Variants in CTNNA2 observed in about 807,000 individuals in gnomAD.
CTNNA2 encodes the protein catenin alpha-2.
CTNNA2 carries 42 observed loss-of-function variants against 101.0 expected under a neutral mutation model. The ratio of observed to expected loss-of-function variants is 0.42; its 90% CI spans 0.32 to 0.54. CTNNA2 has a LOEUF of 0.54. CTNNA2 is among the 20% of genes least tolerant of loss of function. The pLI is 0.14. For synonymous variants in CTNNA2, 450 were observed against 456.4 expected, an observed-to-expected ratio of 0.99 and a Z score of 0.18; for missense variants, 871 against 1,223.1, an observed-to-expected ratio of 0.71 and a Z score of 4.29.
chr2:79,653,508 G>A (rs1184001165), intron 2 of CTNNA2, among the ~76,000 whole-genome samples: 1 of 152,074 alleles, frequency 6.6e-6, no homozygotes, highest in East Asian at 1.9e-4. Context: ...AGTGGCTGAG[G>A]GGATCCATGA....
intron 7 of CTNNA2, among the ~76,000 whole-genome samples, chr2:80,095,065 C>T (rs183565415): frequency 0.014 from 2,146 of 152,290 alleles, 46 homozygotes; most frequent in African/African-American, 0.049. Context: ...TGAGAGAGGG[C>T]TTCCCTGTCT....
intron 7 of CTNNA2, among the ~76,000 whole-genome samples, chr2:80,156,569 T>C (rs1704007233): frequency 6.6e-6 from 1 of 152,228 alleles, no homozygotes; most frequent in Non-Finnish European, 1.5e-5. Flanking sequence ...GGTTTGGTGC[T>C]CACACATCAT....
rs1347397927 is a variant in CTNNA2 at position 79,632,066 on chromosome 2, G to C, written c.-5-19486G>C. Among the ~76,000 whole-genome samples the C allele has an allele frequency of 2.6e-5, 4 of 152,176 alleles. No individual in the cohort carries two copies. The South Asian group carries it at 8.3e-4, about 32-fold the overall frequency. On this transcript the variant is annotated intron_variant, in intron 1 of 18. Transcript: ENST00000402739. ...TTCTTGATTGTGAAACAGTCGCAGT[G>C]GTTTTAGATGTGTATCTTTTGTCTT...
chr2:80,308,466 G>C (rs1432681170), intron 7 of CTNNA2, among the ~76,000 whole-genome samples: 4 of 152,216 alleles, frequency 2.6e-5, no homozygotes, highest in African/African-American at 9.7e-5. Context: ...TTGGCGGAGA[G>C]TGGGAGTCAC....
chr2:79,512,697 G>GCGGTGCCCCTTCGC (rs1332658619), upstream of CTNNA2, among the ~76,000 whole-genome samples: 1 of 151,910 alleles, frequency 6.6e-6, no homozygotes, highest in African/African-American at 2.4e-5. Flanking sequence ...GCGCCCTACG[G>GCGGTGCCCCTTCGC]CGGTGCCCCT....
intron 7 of CTNNA2, among the ~76,000 whole-genome samples, chr2:80,352,377 A>G (rs1361926745): frequency 2.0e-5 from 3 of 152,164 alleles, no homozygotes; most frequent in African/African-American, 7.2e-5. Flanking sequence ...AAAATGCCTT[A>G]CTACTCTGCC....
chr2:79,199,359 T>C (rs567883523), intron 2 of CTNNA2, among the ~76,000 whole-genome samples: 1 of 152,320 alleles, frequency 6.6e-6, no homozygotes, highest in East Asian at 1.9e-4. Flanking sequence ...AACATTGATA[T>C]AGTCAGTAAT....
At chr2:79,726,066 G>C (rs1686820383) in intron 2 of CTNNA2, among the ~76,000 whole-genome samples, 1 of 152,072 alleles carries the variant, frequency 6.6e-6, no homozygotes, top group African/African-American at 2.4e-5. Context: ...AATTCACCAG[G>C]CATAGCCTTT....
At position 80,312,841 on chromosome 2, in the gene CTNNA2, C is replaced by A. The variant is rs147530008; in HGVS notation, c.1057-80370C>A. 5.5e-3 allele frequency among the ~76,000 whole-genome samples: 835 copies of A among 152,274 alleles called. 10 individuals carry two copies. Among genetic ancestry groups the A allele is most frequent in the African/African-American group, 0.018 (751 of 41,554 alleles). ...TGTGTTTTAGACCTTCTAATATCTA[C>A]CTTTAAAGGGAGAAGAAGATCAGAT... On this transcript the variant is annotated intron_variant, in intron 7 of 18. Transcript: ENST00000402739.
intron 3 of CTNNA2, among the ~76,000 whole-genome samples, chr2:79,776,505 A>G (rs1441591644): frequency 1.3e-5 from 2 of 152,168 alleles, no homozygotes; most frequent in Non-Finnish European, 1.5e-5. Flanking sequence ...ATCAAAAGCA[A>G]TCACTTAGAC....
chr2:79,730,572 A>G (rs1023368589), intron 2 of CTNNA2, among the ~76,000 whole-genome samples: 1 of 151,866 alleles, frequency 6.6e-6, no homozygotes, highest in African/African-American at 2.4e-5. Flanking sequence ...ATGCTAATGG[A>G]TTATTTATAT....
rs56285145 is a variant in CTNNA2, at chr2:79,305,373, C to CATATATAT, written c.-405-7325_-405-7318dup. ...ATATACATATATACATATATATACA[C>CATATATAT]ATATATATATATATATATTTCTGCA... is the stretch of plus-strand genomic sequence containing the variant. On this transcript the variant is annotated intron_variant, in intron 2 of 21. Coordinates refer to the CTNNA2 transcript ENST00000466387. Among the ~76,000 whole-genome samples the CATATATAT allele has an allele frequency of 2.4e-3, 336 of 138,244 alleles. 8 individuals carry two copies. In the East Asian group the frequency reaches 0.058, roughly 24 times the overall value. The allele number at this position is 138,244 out of a possible 152,430, so 90.7% of individuals were successfully genotyped here.
At chr2:79,551,227 A>G (rs1349714117) in intron 1 of CTNNA2, among the ~76,000 whole-genome samples, 1 of 152,162 alleles carries the variant, frequency 6.6e-6, no homozygotes, top group Non-Finnish European at 1.5e-5. Context: ...AGCATCTGTG[A>G]TTATCTGTGC....
At chr2:79,549,319 G>A (rs779257312) in intron 1 of CTNNA2, among the ~76,000 whole-genome samples, 10 of 152,184 alleles carry the variant, frequency 6.6e-5, no homozygotes, top group Non-Finnish European at 1.3e-4. Flanking sequence ...ATGGGTCGGG[G>A]CAGTATTCAC....
chr2:80,268,916 C>A (rs1673227822), intron 7 of CTNNA2, among the ~76,000 whole-genome samples: 1 of 152,156 alleles, frequency 6.6e-6, no homozygotes, highest in Non-Finnish European at 1.5e-5. Context: ...TCTCCTGCAA[C>A]CCTTTTCTGA....
At chr2:79,338,014 G>A (rs779980037) in intron 3 of CTNNA2, among the ~76,000 whole-genome samples, 1 of 151,992 alleles carries the variant, frequency 6.6e-6, no homozygotes, top group Non-Finnish European at 1.5e-5. Flanking sequence ...AGGAGGCTGA[G>A]GCAGGTGGAT....
At chr2:80,306,563 CCTCCAA>C (rs1478555955) in intron 7 of CTNNA2, among the ~76,000 whole-genome samples, 1 of 151,966 alleles carries the variant, frequency 6.6e-6, no homozygotes, top group Admixed American at 6.6e-5. Flanking sequence ...CATCCTGGCA[CCTCCAA>C]GGTGCTGCGG....
chr2:80,334,302 A>C (rs1671595572), intron 7 of CTNNA2, among the ~76,000 whole-genome samples: 1 of 152,048 alleles, frequency 6.6e-6, no homozygotes, highest in African/African-American at 2.4e-5. Context: ...CACTTTTCCC[A>C]TATTTCTTAT....
At chr2:80,271,185 G>C (rs891720391) in intron 7 of CTNNA2, among the ~76,000 whole-genome samples, 5 of 152,170 alleles carry the variant, frequency 3.3e-5, no homozygotes, top group African/African-American at 1.2e-4. Context: ...GCAATAAAGA[G>C]AGTCTGTCTT....
Sources: allele counts gnomAD v4.1 joint callset (sites outside exome capture counted in the v4.1 genomes callset), GRCh38; gene constraint gnomAD v4.1.1; transcripts MANE v1.5; gene names NCBI Gene and HGNC (gene_info 2026-07-23, HGNC 2026-07-21).